The following FIP1L1 variants were observed in gnomAD, a reference collection of about 807,000 sequenced individuals.
FIP1L1 encodes the protein factor interacting with PAPOLA and CPSF1.
A neutral mutation model predicts 84.6 loss-of-function variants in FIP1L1; 21 were observed. The ratio of observed to expected loss-of-function variants is 0.25; its 90% CI spans 0.18 to 0.36. The LOEUF is 0.36. Ranked by LOEUF, FIP1L1 falls within the 10% of genes least tolerant of loss-of-function variation. The probability of loss-of-function intolerance (pLI) is 1.00; values close to 1 mark genes in which losing one functional copy is unlikely to be tolerated. For synonymous variants in FIP1L1, 263 were observed against 242.3 expected, an observed-to-expected ratio of 1.09 and a Z score of -0.80; for missense variants, 526 against 751.1, an observed-to-expected ratio of 0.70 and a Z score of 3.50.
In FIP1L1 at chr4:53,460,718, T is replaced by C; in HGVS notation, c.*1269T>C. The C allele has an allele frequency of 1.8e-6, 1 of 552,062 alleles. No homozygotes were observed. Among genetic ancestry groups the C allele is most frequent in the Non-Finnish European group, 3.1e-6 (1 of 323,846 alleles). 34.2% of individuals were successfully genotyped at this position (552,062 alleles called of 1,614,324 possible). A position where few individuals can be genotyped will look rare whatever the true frequency, so the allele number is the denominator to read the frequency against. On this transcript the variant is annotated 3_prime_UTR_variant, in exon 18 of 18. Transcript: ENST00000337488. The stretch of plus-strand genomic sequence containing the variant: ...GAAATCCTCCACACTGAAAAAAAAC[T>C]AGTAGTTTTAATTTTTTTGGAATCA...
chr4:53,409,032 T>C (rs1255666563), intron 10 of FIP1L1, among the ~76,000 whole-genome samples: 1 of 152,258 alleles, frequency 6.6e-6, no homozygotes, highest in African/African-American at 2.4e-5. Flanking sequence ...GTTCCGTTGC[T>C]TGTGAGGAAC....
At chr4:53,391,869 G>A (rs1445791927) in intron 9 of FIP1L1, among the ~76,000 whole-genome samples, 2 of 152,078 alleles carry the variant, frequency 1.3e-5, no homozygotes, top group African/African-American at 4.8e-5. Flanking sequence ...TTAAAAAAAT[G>A]GTAAGGAAGG....
intron 14 of FIP1L1, among the ~76,000 whole-genome samples, chr4:53,443,744 G>C (rs1772997076): frequency 6.6e-6 from 1 of 151,980 alleles, no homozygotes; most frequent in African/African-American, 2.4e-5. Flanking sequence ...TAAATTTTTA[G>C]TCTGAAATAT....
chr4:53,443,737 A>G (rs1349859025), intron 14 of FIP1L1, among the ~76,000 whole-genome samples: 1 of 152,138 alleles, frequency 6.6e-6, no homozygotes, highest in Non-Finnish European at 1.5e-5. Flanking sequence ...TTAAGACTAA[A>G]TTTTTAGTCT....
At chr4:53,446,181 G>A (rs1352653102) in intron 15 of FIP1L1, among the ~76,000 whole-genome samples, 1 of 145,336 alleles carries the variant, frequency 6.9e-6, no homozygotes, top group Non-Finnish European at 1.5e-5. Context: ...CAATGACTAT[G>A]TTTCTTCCCC....
chr4:53,408,596 A>T (rs906502884), intron 10 of FIP1L1, among the ~76,000 whole-genome samples: 2 of 152,194 alleles, frequency 1.3e-5, no homozygotes, highest in African/African-American at 4.8e-5. Flanking sequence ...GTATTTTGCA[A>T]CTTGGTTCCA....
intron 5 of FIP1L1, among the ~76,000 whole-genome samples, chr4:53,389,196 G>A (rs561867205): frequency 6.6e-6 from 1 of 152,204 alleles, no homozygotes; most frequent in East Asian, 1.9e-4. Context: ...TATGGACTGA[G>A]TACTCCATGA....
chr4:53,389,621 C>T (rs1169894480), intron 5 of FIP1L1, among the ~76,000 whole-genome samples, 188 bp from the exon 6 acceptor site: 1 of 152,152 alleles, frequency 6.6e-6, no homozygotes, highest in African/African-American at 2.4e-5. Flanking sequence ...AGTTCGAGAC[C>T]AGCCTGGACA....
chr4:53,427,291 A>G (rs762688182), intron 12 of FIP1L1, among the ~76,000 whole-genome samples: 32 of 152,112 alleles, frequency 2.1e-4, no homozygotes, highest in Non-Finnish European at 2.8e-4. Flanking sequence ...GTCTTTCCCA[A>G]ATTTATTTAC....
intron 13 of FIP1L1, among the ~76,000 whole-genome samples, chr4:53,429,960 C>T (rs1179819346): frequency 1.3e-5 from 2 of 152,148 alleles, no homozygotes; most frequent in East Asian, 1.9e-4. Flanking sequence ...CCCGTGGCCC[C>T]CAGCCTCTGG....
At chr4:53,379,704 G>A (rs1222800035) in intron 3 of FIP1L1, among the ~76,000 whole-genome samples, 1 of 152,076 alleles carries the variant, frequency 6.6e-6, no homozygotes, top group African/African-American at 2.4e-5. Context: ...GCTATGTATT[G>A]TTTGCATTCA....
At chr4:53,450,444 T>C (rs1417540598) in intron 15 of FIP1L1, among the ~76,000 whole-genome samples, 1 of 152,238 alleles carries the variant, frequency 6.6e-6, no homozygotes, top group Non-Finnish European at 1.5e-5. Context: ...AAATGTTTCA[T>C]ATGTGCTTGA....
At chr4:53,378,011 C>G (rs1458158938) in intron 1 of FIP1L1, 88 bp downstream of exon 1, 2 of 1,213,038 alleles carry the variant, frequency 1.6e-6, no homozygotes, top group African/African-American at 3.1e-5. Context: ...CCTCTCGCGC[C>G]GCCGCTTCGG....
At chr4:53,397,926 A>T (rs1275372150) in intron 9 of FIP1L1, among the ~76,000 whole-genome samples, 2 of 152,224 alleles carry the variant, frequency 1.3e-5, no homozygotes, top group African/African-American at 4.8e-5. Flanking sequence ...GTTAGACATG[A>T]AAGAAGTTAC....
At chr4:53,445,129 C>CTTA (rs1553923824) in intron 15 of FIP1L1, among the ~76,000 whole-genome samples, 1 of 152,134 alleles carries the variant, frequency 6.6e-6, no homozygotes, top group Non-Finnish European at 1.5e-5. Flanking sequence ...AGACTGTGTG[C>CTTA]TTATGCAGGA....
At chr4:53,444,182 G>A (rs1773214006) in intron 15 of FIP1L1, 79 bp downstream of exon 15, 1 of 945,976 alleles carries the variant, frequency 1.1e-6, no homozygotes, top group African/African-American at 1.6e-5. Context: ...ATAAAAACGT[G>A]TTCATGGTTT....
intron 13 of FIP1L1, among the ~76,000 whole-genome samples, chr4:53,431,047 A>G (rs17082756): frequency 0.017 from 2,644 of 152,334 alleles, 71 homozygotes; most frequent in African/African-American, 0.057. Flanking sequence ...ATGTTTCCCT[A>G]CAGTTTTAGT....
chr4:53,435,560 G>C (rs935307398), intron 13 of FIP1L1, among the ~76,000 whole-genome samples: 15 of 152,136 alleles, frequency 9.9e-5, no homozygotes, highest in African/African-American at 3.6e-4. Flanking sequence ...AAGAGTAACA[G>C]ATCCTAATAA....
chr4:53,438,132 A>C (rs1770295968), intron 13 of FIP1L1, among the ~76,000 whole-genome samples: 1 of 152,208 alleles, frequency 6.6e-6, no homozygotes, highest in African/African-American at 2.4e-5. Context: ...CTACTGTTAC[A>C]TACAGCTTTC....
Sources: gnomAD v4.1 joint callset for allele counts (sites outside exome capture counted in the v4.1 genomes callset) on GRCh38, gnomAD v4.1.1 for gene constraint, MANE v1.5 for transcripts, NCBI Gene and HGNC (gene_info 2026-07-23, HGNC 2026-07-21) for gene names.